Variants in ASH1L observed in about 807,000 individuals in gnomAD.
ASH1L encodes the protein histone-lysine N-methyltransferase ASH1L.
ASH1L carries 23 observed loss-of-function variants against 269.0 expected under a neutral mutation model. That is an observed-to-expected ratio of 0.09 (90% CI 0.06 to 0.12). The LOEUF (loss-of-function observed/expected upper bound fraction) is 0.12. Ranked by LOEUF, ASH1L falls within the 10% of genes least tolerant of loss-of-function variation. The pLI is 1.00. For synonymous variants in ASH1L, 1,187 were observed against 1,253.5 expected (o/e 0.95, Z 1.12); for missense variants, 2,912 against 3,567.8 (o/e 0.82, Z 4.68).
intron 1 of ASH1L, among the ~76,000 whole-genome samples, chr1:155,545,175 C>CAAAAAAAAAAAAAAAAAAA (rs10624841): frequency 4.6e-5 from 1 of 21,768 alleles, no homozygotes; most frequent in Non-Finnish European, 7.0e-5. Flanking sequence ...TCCATCTCAC[C>CAAAAAAAAAAAAAAAAAAA]AAAAAAAAAA....
chr1:155,533,748 T>C (rs1669852134), intron 1 of ASH1L, among the ~76,000 whole-genome samples: 1 of 151,880 alleles, frequency 6.6e-6, no homozygotes, highest in Non-Finnish European at 1.5e-5. Flanking sequence ...AGATCATCTT[T>C]AGTCTCGATC....
rs774687339 is a variant in ASH1L, at chr1:155,343,805, C to T, written c.7982-63G>A. The T allele has an allele frequency of 6.3e-7, 1 of 1,577,664 alleles. No homozygotes were observed. The highest frequency in any genetic ancestry group is 8.7e-7 in the Non-Finnish European group (1 of 1,155,494). On this transcript the variant is annotated intron_variant, in intron 22 of 27. Transcript: ENST00000392403. This position sits in a 1 kb window ranked among gnomAD's most constrained non-coding sequence, Gnocchi z 6.1. ...TTCTTGTATGAATTCTGTTAGGCAT[C>T]TGTTTATCTGACTCAGGGTCTACAT...
At chr1:155,557,727 C>T (rs556225731) in intron 1 of ASH1L, among the ~76,000 whole-genome samples, 202 of 152,088 alleles carry the variant, frequency 1.3e-3, no homozygotes, top group Non-Finnish European at 2.5e-3. Context: ...GAAAATCTAG[C>T]CTCTTCATAT....
In ASH1L at chr1:155,338,078, ATTC is replaced by A; in HGVS notation, c.8803+8_8803+10del. The A allele has an allele frequency of 1.9e-6, 3 of 1,610,754 alleles. No homozygotes were observed. The highest frequency in any genetic ancestry group is 1.1e-5 in the South Asian group (1 of 90,886). On this transcript the variant is annotated splice_region_variant and intron_variant, in intron 27 of 27. Coordinates refer to ENST00000392403, the MANE Select transcript of ASH1L (RefSeq NM_018489.3). ...ATCTTAAACCCTAGATATGAACCTG[ATTC>A]TTCTTACCATTTTTTCCAGGGATTT...
chr1:155,527,711 AT>A (rs932201568), intron 1 of ASH1L, among the ~76,000 whole-genome samples: 3 of 151,302 alleles, frequency 2.0e-5, no homozygotes, highest in African/African-American at 7.3e-5. Context: ...ACCATGTCCA[AT>A]TTTTTTTCAC....
intron 5 of ASH1L, among the ~76,000 whole-genome samples, chr1:155,435,663 C>T (rs1297313085): frequency 1.3e-5 from 2 of 150,700 alleles, no homozygotes; most frequent in African/African-American, 4.9e-5. Context: ...CAGGATTCAC[C>T]AGGAGAGATG....
Position 155,521,378 on chromosome 1 carries a change from C to A in ASH1L, c.142G>T (p.Asp48Tyr). ...ELEKNTKEEE[D>Y]LRKRNRERNI... ...CTTTCTCGATTCCGTTTGCGAAGGT[C>A]CTCTTCCTCCTTTGTGTTTTTTTCT... Residue 48 changes from aspartate (D) to tyrosine (Y), a missense_variant, in exon 2 of 28, where the codon GAC (aspartate) becomes TAC (tyrosine). Around this residue, in one of 13 missense-constraint regions of ASH1L, gnomAD observed 115 missense variants for 101.5 expected, o/e 1.13. Coordinates refer to ENST00000392403, the MANE Select transcript of ASH1L (RefSeq NM_018489.3). 1 of 1,614,148 alleles carries A rather than the reference C, an allele frequency of 6.2e-7. No individual in the cohort carries two copies. The highest frequency in any genetic ancestry group is 8.5e-7 in the Non-Finnish European group (1 of 1,180,034).
At chr1:155,366,989 GTTT>G (rs896488958) in intron 12 of ASH1L, among the ~76,000 whole-genome samples, 5 of 124,188 alleles carry the variant, frequency 4.0e-5, no homozygotes, top group South Asian at 2.6e-4. Context: ...AATGGGTTTG[GTTT>G]TTTTTTTTTT....
At chr1:155,419,056 A>T (rs1034087656) in intron 5 of ASH1L, among the ~76,000 whole-genome samples, 5 of 151,916 alleles carry the variant, frequency 3.3e-5, no homozygotes, top group East Asian at 1.9e-4. Flanking sequence ...GCAAATAAAT[A>T]AATAAATTAA....
At position 155,480,154 on chromosome 1, in the gene ASH1L, G is replaced by A; in HGVS notation, c.2716C>T (p.Pro906Ser). The A allele has an allele frequency of 6.2e-7, 1 of 1,614,152 alleles. No homozygotes were observed. Among genetic ancestry groups the A allele is most frequent in the Non-Finnish European group, 8.5e-7 (1 of 1,180,002 alleles). The stretch of plus-strand genomic sequence containing the variant: ...ACAAATGGAGCCACTGACAGTACAG[G>A]TGGCTTCATCTTGACTGGTGACCTC... ...QMRSPVKMKP[P>S]VLSVAPFVAT... Residue 906 changes from proline to serine, a missense_variant, in exon 3 of 28, where the codon CCT becomes TCT. Physicochemically the swap from Pro to Ser is moderately conservative, Grantham distance 74. Transcript: ENST00000392403.
intron 1 of ASH1L, among the ~76,000 whole-genome samples, chr1:155,525,898 T>A (rs1344937567): frequency 6.6e-6 from 1 of 151,964 alleles, no homozygotes; most frequent in Non-Finnish European, 1.5e-5. Context: ...CCTATACACA[T>A]GCTCCTGTAT....
At chr1:155,366,999 T>G (rs1038570102) in intron 12 of ASH1L, among the ~76,000 whole-genome samples, 13 of 146,522 alleles carry the variant, frequency 8.9e-5, no homozygotes, top group African/African-American at 2.5e-4. Context: ...GTTTTTTTTT[T>G]TTTTTTTTTT....
rs1204217199 is a variant in ASH1L at position 155,415,826 on chromosome 1, G to A, written c.5926C>T (p.Pro1976Ser). The A allele has an allele frequency of 1.9e-6, 3 of 1,613,844 alleles. No homozygotes were observed. Among genetic ancestry groups the A allele is most frequent in the Non-Finnish European group, 2.5e-6 (3 of 1,179,958 alleles). ...STLQPVLSLI[P>S]REKKPPRPPK... ...GGACGTGGGGGCTTCTTTTCCCTTG[G>A]GATGAGAGAAAGCACAGGCTGCAAG... Residue 1976 changes from proline to serine, a missense_variant, in exon 6 of 28, where the codon CCA (proline) becomes TCA (serine). By Grantham distance (74) the Pro-to-Ser change is moderately conservative. Transcript: ENST00000392403.
chr1:155,392,990 G>T (rs941958045), intron 7 of ASH1L, among the ~76,000 whole-genome samples: 1 of 151,906 alleles, frequency 6.6e-6, no homozygotes, highest in East Asian at 1.9e-4. Flanking sequence ...GTCCAGCCTT[G>T]TTCTTATTTT....
In ASH1L at chr1:155,431,801, T is replaced by C. The variant is rs547328819; in HGVS notation, c.5828+6526A>G. ...AACAAACAGTTCTTTGTAGAAACGGTAGCTACAACCAGCCACACTGCTCAG... is the reference window on the plus strand; with the variant it reads ...AACAAACAGTTCTTTGTAGAAACGGCAGCTACAACCAGCCACACTGCTCAG... On this transcript the variant is annotated intron_variant, in intron 5 of 27. Transcript: ENST00000392403. 2.0e-5 allele frequency among the ~76,000 whole-genome samples: 3 copies of C among 152,042 alleles called. No individual in the cohort carries two copies. The South Asian group carries it at 6.2e-4, about 32-fold the overall frequency.
intron 6 of ASH1L, among the ~76,000 whole-genome samples, chr1:155,411,582 A>AATAAATATATATAT (rs927073320): frequency 3.5e-4 from 17 of 48,386 alleles, no homozygotes; most frequent in East Asian, 3.2e-3. Context: ...TAAATAAATA[A>AATAAATATATATAT]ATAAATATAT....
At chr1:155,493,816 G>A (rs903423322) in intron 2 of ASH1L, among the ~76,000 whole-genome samples, 6 of 152,322 alleles carry the variant, frequency 3.9e-5, no homozygotes, top group East Asian at 1.9e-4. Flanking sequence ...AGAGGTTGCA[G>A]TGAGCTGAGA....
Position 155,478,597 on chromosome 1 carries a change from A to G in ASH1L, c.4273T>C (p.Ser1425Pro). 6.2e-7 allele frequency: 1 copy of G among 1,613,954 alleles called. No homozygotes were observed. Among genetic ancestry groups the G allele is most frequent in the Non-Finnish European group, 8.5e-7 (1 of 1,179,998 alleles). ...AGTAAATGACCAGCATGCATATAGGAAGGAGGTGGAAGTGGCGTGGTGAAA... is the reference window on the plus strand; with the variant it reads ...AGTAAATGACCAGCATGCATATAGGGAGGAGGTGGAAGTGGCGTGGTGAAA... ...PSFTTPLPPP[S>P]YMHAGHLLLN... Residue 1425 changes from serine to proline, a missense_variant, in exon 3 of 28, where the codon TCC becomes CCC. This residue lies in a region of ASH1L where 789 missense variants were observed against 897.6 expected (regional missense o/e 0.88). Transcript: ENST00000392403. The surrounding 1 kb of genome is among the most constrained non-coding windows in gnomAD (Gnocchi z 4.6).
At position 155,338,187 on chromosome 1, in the gene ASH1L, G is replaced by A. The variant is rs1181143310; in HGVS notation, c.8705C>T (p.Pro2902Leu). The change falls in exon 27 of 28, where the codon CCC becomes CTC. Residue 2902 changes from proline to leucine, a missense_variant. Pro to Leu is a moderately conservative substitution (Grantham distance 98, BLOSUM62 -3). Transcript: ENST00000392403. ...TTCCTCAGGGGTACAGGTTGACTGG[G>A]GTTCTTGACTACTTTCCTCTGTTTT... is the stretch of plus-strand genomic sequence containing the variant. ...EKKTEESSQE[P>L]QSTCTPEERR... 2 of 1,613,928 alleles carry A rather than the reference G, an allele frequency of 1.2e-6. No homozygotes were observed. The highest frequency in any genetic ancestry group is 1.7e-6 in the Non-Finnish European group (2 of 1,179,998).
Sources: allele counts gnomAD v4.1 joint callset (sites outside exome capture counted in the v4.1 genomes callset), GRCh38; gene constraint gnomAD v4.1.1; regional missense constraint gnomAD v4.1.1; non-coding constraint Gnocchi (gnomAD v3.1); transcripts MANE v1.5; gene names NCBI Gene and HGNC (gene_info 2026-07-23, HGNC 2026-07-21).